HIGD1A: variants seen among roughly 807,000 people sequenced by gnomAD.
HIGD1A encodes HIG1 domain family member 1A, mitochondrial.
In HIGD1A, 8 loss-of-function variants were observed where a neutral mutation model predicts 11.3. The ratio of observed to expected loss-of-function variants is 0.71; its 90% confidence interval spans 0.42 to 1.28. The LOEUF (loss-of-function observed/expected upper bound fraction) is 1.28, where lower values mean the gene tolerates loss of function less well. Among genes scored for constraint, HIGD1A ranks in the 50% most tolerant of loss-of-function variants. HIGD1A has a pLI of 0.01. For missense variants in HIGD1A, 107 were observed against 118.8 expected, an observed-to-expected ratio of 0.90 and a Z score of 0.46; for synonymous variants, 32 against 38.4, an observed-to-expected ratio of 0.83 and a Z score of 0.62.
At chr3:42,796,641 T>C (rs770018734) in intron 1 of HIGD1A, among the ~76,000 whole-genome samples, 2 of 152,058 alleles carry the variant, frequency 1.3e-5, no homozygotes, top group Non-Finnish European at 2.9e-5. Context: ...TTTTTAAGGA[T>C]AATTTGGTGG....
chr3:42,793,260 C>A (rs1345127009), intron 2 of HIGD1A, among the ~76,000 whole-genome samples: 1 of 152,074 alleles, frequency 6.6e-6, no homozygotes. Flanking sequence ...GTTTTAACTG[C>A]ATATTAAATG....
Position 42,783,537 on chromosome 3 carries a change from G to A in HIGD1A, c.*1734C>T, listed in dbSNP as rs962255964. 6.6e-6 allele frequency among the ~76,000 whole-genome samples: 1 copy of A among 152,020 alleles called. No individual in the cohort carries two copies. Among genetic ancestry groups the A allele is most frequent in the African/African-American group, 2.4e-5 (1 of 41,374 alleles). On this transcript the variant is annotated 3_prime_UTR_variant, in exon 4 of 4. Transcript: ENST00000321331. ...GGTTGAAGCATCAGAATCGCACGAA[G>A]CTAGGAGGTGGAGGGTGCCGTGAGC...
intron 2 of HIGD1A, among the ~76,000 whole-genome samples, chr3:42,790,005 A>G (rs1187043291): frequency 6.6e-6 from 1 of 152,186 alleles, no homozygotes; most frequent in Non-Finnish European, 1.5e-5. Flanking sequence ...TACAGGAATG[A>G]GCCAAAGTGC....
chr3:42,804,033 T>A, intron 1 of HIGD1A: 1 of 900,026 alleles, frequency 1.1e-6, no homozygotes, highest in South Asian at 1.7e-5. Flanking sequence ...GCCTGCCGCT[T>A]AGCCCGCTCT....
chr3:42,799,297 T>A (rs1328503896), intron 1 of HIGD1A, among the ~76,000 whole-genome samples: 8 of 114,574 alleles, frequency 7.0e-5, no homozygotes, highest in African/African-American at 3.1e-4. Flanking sequence ...AAAAATAAAT[T>A]AAAAAAAAAA....
In HIGD1A at chr3:42,795,216, TA is replaced by T. The variant is rs1377068048; in HGVS notation, c.-22-942del. Among the ~76,000 whole-genome samples the T allele has an allele frequency of 1.1e-4, 10 of 94,042 alleles. No homozygotes were observed. The East Asian group carries it at 2.9e-3, about 27-fold the overall frequency. The allele number at this position is 94,042 out of a possible 152,430, so 61.7% of individuals were successfully genotyped here. A position where few individuals can be genotyped will look rare whatever the true frequency, so the allele number is the denominator to read the frequency against. On this transcript the variant is annotated intron_variant, in intron 1 of 3. Transcript: ENST00000321331. ...GTGAGCCACTGTGCCAGCTTATGAT[TA>T]GCTTTTTTTTTTTTTTTTGAGATGG...
chr3:42,792,847 C>T (rs538489730), intron 2 of HIGD1A, among the ~76,000 whole-genome samples: 85 of 146,950 alleles, frequency 5.8e-4, no homozygotes, highest in African/African-American at 2.1e-3. Context: ...GCTGGCGTGG[C>T]GGCGGGCACC....
chr3:42,802,230 G>T (rs891461470), intron 1 of HIGD1A, among the ~76,000 whole-genome samples: 1 of 151,544 alleles, frequency 6.6e-6, no homozygotes, highest in African/African-American at 2.4e-5. Flanking sequence ...ATCAAGAACA[G>T]AAGAAAACCT....
intron 2 of HIGD1A, among the ~76,000 whole-genome samples, chr3:42,790,898 A>G (rs1700415034): frequency 6.6e-6 from 1 of 152,140 alleles, no homozygotes; most frequent in African/African-American, 2.4e-5. Flanking sequence ...TACAGCCCTG[A>G]ACTCCTGGGC....
In HIGD1A at chr3:42,783,193, TAGGA is replaced by T. The variant is rs1179381719; in HGVS notation, c.*2074_*2077del. 6.6e-6 allele frequency among the ~76,000 whole-genome samples: 1 copy of T among 152,182 alleles called. No individual in the cohort carries two copies. The highest frequency in any genetic ancestry group is 1.5e-5 in the Non-Finnish European group (1 of 68,032). ...GTAAATATTATATGTCCTCACAAGG[TAGGA>T]ATGATACAACAAAAATTGAGAGAAA... On this transcript the variant is annotated 3_prime_UTR_variant, in exon 4 of 4. Coordinates refer to ENST00000321331, the MANE Select transcript of HIGD1A (RefSeq NM_014056.4).
chr3:42,787,045 T>C (rs1700360820), intron 2 of HIGD1A, among the ~76,000 whole-genome samples: 1 of 152,084 alleles, frequency 6.6e-6, no homozygotes. Flanking sequence ...GGTTAAGATA[T>C]AATGGTGAGC....
At position 42,783,150 on chromosome 3, in the gene HIGD1A, T is replaced by G. The variant is rs1007200666; in HGVS notation, c.*2121A>C. Among the ~76,000 whole-genome samples, 2 of 152,170 alleles carry G rather than the reference T, an allele frequency of 1.3e-5. No homozygotes were observed. The highest frequency in any genetic ancestry group is 2.9e-5 in the Non-Finnish European group (2 of 68,022). On this transcript the variant is annotated 3_prime_UTR_variant, in exon 4 of 4. Coordinates refer to ENST00000321331, the MANE Select transcript of HIGD1A (RefSeq NM_014056.4). Reference sequence around the variant, plus strand: ...ATTTAAACTGTGGAACTAAGAAATGTGAGGATGACAACAGAATGTAAATAT... The same window carrying G: ...ATTTAAACTGTGGAACTAAGAAATGGGAGGATGACAACAGAATGTAAATAT...
intron 2 of HIGD1A, among the ~76,000 whole-genome samples, chr3:42,787,835 TAAATAA>T (rs1700371394): frequency 6.6e-6 from 1 of 151,090 alleles, no homozygotes; most frequent in East Asian, 1.9e-4. Flanking sequence ...TTCTTAAAAA[TAAATAA>T]AATTTAATAT....
At chr3:42,789,422 T>C (rs6799524) in intron 2 of HIGD1A, among the ~76,000 whole-genome samples, 26,576 of 151,696 alleles carry the variant, frequency 0.18, 2,486 homozygotes, top group South Asian at 0.26. Flanking sequence ...TCCTAGCACT[T>C]TGGGAGGCTG....
Position 42,802,748 on chromosome 3 carries a change from C to T in HIGD1A, c.-23+1688G>A, listed in dbSNP as rs144600269. Among the ~76,000 whole-genome samples, 6 of 152,256 alleles carry T rather than the reference C, an allele frequency of 3.9e-5. No individual in the cohort carries two copies. The East Asian group carries it at 1.2e-3, about 29-fold the overall frequency. On this transcript the variant is annotated intron_variant, in intron 1 of 3. Transcript: ENST00000321331. ...TTGTGAGAGGGTTATACGAATTGCT[C>T]AGTACAAGGAATACATGTCTGGTGG...
At position 42,794,067 on chromosome 3, in the gene HIGD1A, G is replaced by T. The variant is rs878861173; in HGVS notation, c.97+90C>A. 3.2e-4 allele frequency: 416 copies of T among 1,299,408 alleles called. 1 individual carries two copies. The South Asian group carries it at 4.9e-3, about 15-fold the overall frequency. The allele number at this position is 1,299,408 out of a possible 1,614,324, so 80.5% of individuals were successfully genotyped here. On this transcript the variant is annotated intron_variant, in intron 2 of 3. Transcript: ENST00000321331. ...GCATATTTCAACATAAGAAAAAAAT[G>T]GAAAATACATTCTTTCAGGATATTG...
At chr3:42,792,489 C>T (rs934750712) in intron 2 of HIGD1A, among the ~76,000 whole-genome samples, 4 of 150,978 alleles carry the variant, frequency 2.6e-5, no homozygotes, top group Admixed American at 6.6e-5. Flanking sequence ...CTGGCTAACA[C>T]GGTGAAACCC....
At chr3:42,795,498 G>A (rs1700485416) in intron 1 of HIGD1A, among the ~76,000 whole-genome samples, 1 of 152,010 alleles carries the variant, frequency 6.6e-6, no homozygotes, top group Non-Finnish European at 1.5e-5. Flanking sequence ...ACAGGCATGA[G>A]CTACCACACC....
At chr3:42,802,324 G>A (rs1045152604) in intron 1 of HIGD1A, among the ~76,000 whole-genome samples, 2 of 152,138 alleles carry the variant, frequency 1.3e-5, no homozygotes, top group African/African-American at 4.8e-5. Flanking sequence ...AGTAGCCCCT[G>A]CGGTAAGCAT....
Sources: allele counts gnomAD v4.1 joint callset (sites outside exome capture counted in the v4.1 genomes callset), GRCh38; gene constraint gnomAD v4.1.1; transcripts MANE v1.5; gene names NCBI Gene and HGNC (gene_info 2026-07-23, HGNC 2026-07-21).